The following NXPH1 variants were observed in gnomAD, a reference collection of about 807,000 sequenced individuals.
The protein encoded by NXPH1 is neurexophilin 1.
NXPH1 carries 5 observed loss-of-function variants against 23.7 expected under a neutral mutation model. The ratio of observed to expected loss-of-function variants is 0.21; its 90% confidence interval spans 0.11 to 0.44. NXPH1 has a LOEUF of 0.44. Among genes scored for constraint, NXPH1 ranks in the 20% least tolerant of loss-of-function variants. The probability of loss-of-function intolerance (pLI) is 0.99; values close to 1 mark genes in which losing one functional copy is unlikely to be tolerated. For synonymous variants in NXPH1, 144 were observed against 122.2 expected, an observed-to-expected ratio of 1.18 and a Z score of -1.18; for missense variants, 324 against 321.6, an observed-to-expected ratio of 1.01 and a Z score of -0.06.
chr7:8,493,198 C>T lies in NXPH1; in HGVS notation c.54+57431C>T, dbSNP rs192559497. Among the ~76,000 whole-genome samples the T allele has an allele frequency of 5.4e-3, 817 of 152,038 alleles. 6 individuals are homozygous for T. Among genetic ancestry groups the T allele is most frequent in the African/African-American group, 0.018 (754 of 41,508 alleles). Reference sequence around the variant, plus strand: ...GTTATATTATGGGATTTTCTGCCCCCCAAATAATGTGAGGACAATGGTTAG... The same window carrying T: ...GTTATATTATGGGATTTTCTGCCCCTCAAATAATGTGAGGACAATGGTTAG... On this transcript the variant is annotated intron_variant, in intron 2 of 2. Transcript: ENST00000405863.
At chr7:8,628,370 G>GTT (rs5882180) in intron 2 of NXPH1, among the ~76,000 whole-genome samples, 17 of 135,304 alleles carry the variant, frequency 1.3e-4, no homozygotes, top group African/African-American at 3.9e-4. Context: ...ATGCATAGGT[G>GTT]TTTTTTTTTT....
intron 2 of NXPH1, among the ~76,000 whole-genome samples, chr7:8,452,314 C>T (rs1816520341): frequency 1.3e-5 from 2 of 152,154 alleles, no homozygotes. Context: ...TTGATATACT[C>T]TTTCTTTAAA....
intron 2 of NXPH1, among the ~76,000 whole-genome samples, chr7:8,731,831 G>A (rs13243865): frequency 0.15 from 22,212 of 152,262 alleles, 1,737 homozygotes; most frequent in South Asian, 0.21. Context: ...GGAGCCTACA[G>A]AGGCAGGCAG....
At chr7:8,606,408 G>T (rs533057862) in intron 2 of NXPH1, among the ~76,000 whole-genome samples, 6 of 152,098 alleles carry the variant, frequency 3.9e-5, no homozygotes, top group Non-Finnish European at 7.4e-5. Context: ...TGCTTCAAAG[G>T]TACTGTTAAC....
intron 2 of NXPH1, among the ~76,000 whole-genome samples, chr7:8,465,372 TG>T (rs1402598308): frequency 6.6e-6 from 1 of 152,186 alleles, no homozygotes. Context: ...CATTGGGGAT[TG>T]TGTCTCCTGA....
At chr7:8,497,328 A>G (rs1425204495) in intron 2 of NXPH1, among the ~76,000 whole-genome samples, 2 of 152,118 alleles carry the variant, frequency 1.3e-5, no homozygotes, top group Admixed American at 6.6e-5. Flanking sequence ...ACATACGTGT[A>G]CATGTGTCTT....
At chr7:8,464,710 T>G (rs1816750967) in intron 2 of NXPH1, among the ~76,000 whole-genome samples, 1 of 152,050 alleles carries the variant, frequency 6.6e-6, no homozygotes, top group African/African-American at 2.4e-5. Context: ...TTCTACAGAG[T>G]TTAGTGGAGT....
rs578082119 is a variant in NXPH1, at chr7:8,459,957, C to G, written c.54+24190C>G. Among the ~76,000 whole-genome samples the G allele has an allele frequency of 2.0e-5, 3 of 152,268 alleles. No individual in the cohort carries two copies. In the East Asian group the frequency reaches 5.8e-4, roughly 29 times the overall value. On this transcript the variant is annotated intron_variant, in intron 2 of 2. Transcript: ENST00000405863. ...TTAGCCAAACTGAGCTATGCTGTGA[C>G]AACCCCAAAGGTTTAATTGAATAAG...
intron 2 of NXPH1, among the ~76,000 whole-genome samples, chr7:8,463,515 A>G (rs78940606): frequency 0.055 from 8,406 of 152,166 alleles, 442 homozygotes; most frequent in African/African-American, 0.14. Context: ...ATTTTGATAG[A>G]TATTTCCAAA....
At chr7:8,662,406 T>TG (rs59865520) in intron 2 of NXPH1, among the ~76,000 whole-genome samples, 96,379 of 151,822 alleles carry the variant, frequency 0.63, 31,509 homozygotes, top group Middle Eastern at 0.76. Context: ...CCTTAAACTA[T>TG]GGGGATAAGT....
intron 2 of NXPH1, among the ~76,000 whole-genome samples, chr7:8,552,128 A>C (rs200275961): frequency 0.35 from 51,463 of 146,906 alleles, 10,954 homozygotes; most frequent in East Asian, 0.51. Context: ...AAAAAAAAAA[A>C]AAAAAAAAAA....
chr7:8,686,658 A>C (rs1821149757), intron 2 of NXPH1, among the ~76,000 whole-genome samples: 1 of 152,170 alleles, frequency 6.6e-6, no homozygotes, highest in Non-Finnish European at 1.5e-5. Context: ...AATGTGCTAA[A>C]GACAAAGAGA....
chr7:8,699,912 A>G (rs567645473), intron 2 of NXPH1, among the ~76,000 whole-genome samples: 1 of 152,292 alleles, frequency 6.6e-6, no homozygotes, highest in South Asian at 2.1e-4. Context: ...TGTGGAAGAT[A>G]TAGAAGAAAT....
intron 2 of NXPH1, among the ~76,000 whole-genome samples, chr7:8,524,241 CAAAAAAA>C (rs34744233): frequency 1.4e-5 from 1 of 73,718 alleles, no homozygotes; most frequent in African/African-American, 5.7e-5. Flanking sequence ...GACTCTGTCT[CAAAAAAA>C]AAAAAAAAAA....
intron 2 of NXPH1, among the ~76,000 whole-genome samples, chr7:8,563,295 G>C (rs1818480151): frequency 1.3e-5 from 2 of 151,676 alleles, no homozygotes; most frequent in Admixed American, 6.6e-5. Flanking sequence ...AGAAGAAACT[G>C]TGTCTTAAGG....
intron 2 of NXPH1, among the ~76,000 whole-genome samples, chr7:8,635,423 A>T (rs1029041681): frequency 6.6e-6 from 1 of 152,210 alleles, no homozygotes; most frequent in Admixed American, 6.5e-5. Context: ...GTATAAATGC[A>T]TTCAATCTCT....
At position 8,457,542 on chromosome 7, in the gene NXPH1, G is replaced by T. The variant is rs944460414; in HGVS notation, c.54+21775G>T. On this transcript the variant is annotated intron_variant, in intron 2 of 2. Transcript: ENST00000405863. ...ATGCTTTTCATTGCCCTAATTCTTA[G>T]TTTTTTTTTTTTTAATTTTATTAAA... 1.3e-3 allele frequency among the ~76,000 whole-genome samples: 193 copies of T among 145,760 alleles called. 5 individuals carry two copies. The highest frequency in any genetic ancestry group is 0.013 in the Admixed American group (193 of 14,708).
intron 2 of NXPH1, among the ~76,000 whole-genome samples, chr7:8,521,853 G>A (rs1210645479): frequency 6.6e-6 from 1 of 152,100 alleles, no homozygotes; most frequent in African/African-American, 2.4e-5. Flanking sequence ...AACCAGTGTG[G>A]GTGGAAGCGA....
At chr7:8,565,114 C>A (rs1818517184) in intron 2 of NXPH1, among the ~76,000 whole-genome samples, 1 of 151,748 alleles carries the variant, frequency 6.6e-6, no homozygotes, top group Non-Finnish European at 1.5e-5. Context: ...AGATGTGGCC[C>A]TGTGTATTCT....
Sources: allele counts gnomAD v4.1 joint callset (sites outside exome capture counted in the v4.1 genomes callset), GRCh38; gene constraint gnomAD v4.1.1; transcripts MANE v1.5; gene names NCBI Gene and HGNC (gene_info 2026-07-23, HGNC 2026-07-21).